RNF24: variants seen among roughly 807,000 people sequenced by gnomAD.
RNF24 encodes ring finger protein 24.
In RNF24, 14 loss-of-function variants were observed where a neutral mutation model predicts 20.0. The observed-to-expected ratio is 0.70, with a 90% CI of 0.46 to 1.10. The LOEUF is 1.10. Among genes scored for constraint, RNF24 ranks in the 50% least tolerant of loss-of-function variants. The pLI is 0.00. For missense variants in RNF24, 124 were observed against 177.6 expected, an observed-to-expected ratio of 0.70 and a Z score of 1.71; for synonymous variants, 45 against 61.1, an observed-to-expected ratio of 0.74 and a Z score of 1.23.
chr20:3,950,191 T>C (rs2091065777), intron 2 of RNF24, among the ~76,000 whole-genome samples: 1 of 152,336 alleles, frequency 6.6e-6, no homozygotes, highest in African/African-American at 2.4e-5. Context: ...TCCCAATTCA[T>C]GTCAAACTGG....
chr20:3,937,215 G>GA (rs776817904), intron 4 of RNF24, among the ~76,000 whole-genome samples: 1 of 152,040 alleles, frequency 6.6e-6, no homozygotes, highest in African/African-American at 2.4e-5. Context: ...AGCCACCTGA[G>GA]AAAAAACAAG....
At chr20:3,964,480 T>G (rs1278183824) in intron 1 of RNF24, among the ~76,000 whole-genome samples, 1 of 152,122 alleles carries the variant, frequency 6.6e-6, no homozygotes, top group African/African-American at 2.4e-5. Flanking sequence ...AATTATATAG[T>G]CATATGTTAT....
chr20:3,951,403 T>C (rs1219637236), intron 2 of RNF24, among the ~76,000 whole-genome samples: 2 of 152,222 alleles, frequency 1.3e-5, no homozygotes, highest in Non-Finnish European at 2.9e-5. Context: ...TTCTCCACTG[T>C]AGTGTATCTT....
Position 3,966,840 on chromosome 20 carries a change from A to G in RNF24, c.-7-2816T>C, listed in dbSNP as rs559995057. Among the ~76,000 whole-genome samples, 6 of 152,336 alleles carry G rather than the reference A, an allele frequency of 3.9e-5. No individual in the cohort carries two copies. In the East Asian group the frequency reaches 1.2e-3, roughly 29 times the overall value. ...CTCAGACACACACAGCAGTAGAGGT[A>G]GTAGCACTGTCATCAGAGGGAAGAG... On this transcript the variant is annotated intron_variant, in intron 1 of 5. Transcript: ENST00000358395.
intron 3 of RNF24, among the ~76,000 whole-genome samples, chr20:3,946,541 T>C (rs935190678): frequency 1.3e-5 from 2 of 151,568 alleles, no homozygotes; most frequent in Non-Finnish European, 2.9e-5. Flanking sequence ...GTACAAAAAT[T>C]AGCCGGGGGT....
chr20:3,972,659 G>C (rs6084533), intron 1 of RNF24, among the ~76,000 whole-genome samples: 39,012 of 152,040 alleles, frequency 0.26, 5,102 homozygotes, highest in South Asian at 0.36. Context: ...CCAGCACTGT[G>C]GAGGGCCGAG....
At chr20:3,970,000 A>C (rs956328840) in intron 1 of RNF24, among the ~76,000 whole-genome samples, 1 of 152,084 alleles carries the variant, frequency 6.6e-6, no homozygotes, top group Non-Finnish European at 1.5e-5. Context: ...TTTACACAAC[A>C]TGGTGAAAAT....
intron 1 of RNF24, 132 bp from the exon 2 acceptor site, chr20:3,964,156 T>C: frequency 1.5e-6 from 1 of 661,272 alleles, no homozygotes; most frequent in South Asian, 2.7e-5. Context: ...TTAATATTCT[T>C]GCCATTCATT....
Position 3,945,199 on chromosome 20 carries a change from ACTTT to A in RNF24, c.202_205del (p.Lys68Ter). ...TACCTCATGTAAATTCAATTCTTTT[ACTTT>A]CTCTTTTAATATAACCTGTAAGACA... On this transcript the variant is annotated frameshift_variant, in exon 4 of 6. Transcript: ENST00000358395. LOFTEE classifies it high-confidence loss of function. 6.3e-7 allele frequency: 1 copy of A among 1,597,770 alleles called. No individual in the cohort carries two copies. Among genetic ancestry groups the A allele is most frequent in the Non-Finnish European group, 8.5e-7 (1 of 1,172,036 alleles).
At chr20:4,013,543 C>T (rs1482199242) in intron 1 of RNF24, among the ~76,000 whole-genome samples, 2 of 152,102 alleles carry the variant, frequency 1.3e-5, no homozygotes, top group Non-Finnish European at 2.9e-5. Flanking sequence ...TGCAATGGCG[C>T]GATCTAGGCT....
chr20:3,983,358 G>A (rs1388710491), intron 1 of RNF24, among the ~76,000 whole-genome samples: 1 of 152,110 alleles, frequency 6.6e-6, no homozygotes, highest in African/African-American at 2.4e-5. Context: ...TTGCCTATAC[G>A]TATTATAAAT....
chr20:3,932,259 T>G lies in RNF24; in HGVS notation c.*1804A>C, dbSNP rs1248668315. On this transcript the variant is annotated 3_prime_UTR_variant, in exon 6 of 6. Coordinates refer to ENST00000358395, the MANE Select transcript of RNF24 (RefSeq NM_001134337.3). ...GCATTCAACTCTGTTGTGCTACAAA[T>G]AGAGAATGCAAAAAGACGGTGAAAG... is the stretch of plus-strand genomic sequence containing the variant. 1.3e-5 allele frequency: 2 copies of G among 152,178 alleles called. No homozygotes were observed. Among genetic ancestry groups the G allele is most frequent in the Admixed American group, 6.5e-5 (1 of 15,278 alleles). The allele number at this position is 152,178 out of a possible 1,614,324, so 9.4% of individuals were successfully genotyped here.
At chr20:4,008,345 A>C (rs1177406018) in intron 1 of RNF24, among the ~76,000 whole-genome samples, 1 of 89,868 alleles carries the variant, frequency 1.1e-5, no homozygotes, top group Non-Finnish European at 2.0e-5. Flanking sequence ...TATATATTAT[A>C]CATGTAATAT....
intron 1 of RNF24, among the ~76,000 whole-genome samples, chr20:4,002,907 T>C (rs1981532075): frequency 6.6e-6 from 1 of 152,104 alleles, no homozygotes; most frequent in Admixed American, 6.6e-5. Context: ...ATAGAGAAAA[T>C]GAAGACACAG....
At chr20:3,955,149 G>A (rs184399402) in intron 2 of RNF24, among the ~76,000 whole-genome samples, 16 of 152,240 alleles carry the variant, frequency 1.1e-4, no homozygotes, top group Non-Finnish European at 1.3e-4. Flanking sequence ...TTGGCCATTT[G>A]TGTAACTTCT....
chr20:3,984,775 G>A (rs758053911), intron 1 of RNF24, among the ~76,000 whole-genome samples: 1 of 151,782 alleles, frequency 6.6e-6, no homozygotes, highest in Non-Finnish European at 1.5e-5. Context: ...TTCTTCAGAG[G>A]ATAACTCTTC....
chr20:4,009,877 G>A (rs1982301026), intron 1 of RNF24, among the ~76,000 whole-genome samples: 1 of 151,968 alleles, frequency 6.6e-6, no homozygotes, highest in South Asian at 2.1e-4. Flanking sequence ...GTAAACAAAG[G>A]ATGTTTTAAA....
intron 1 of RNF24, among the ~76,000 whole-genome samples, chr20:4,003,420 TTATCTTCCAAGCAA>T (rs1217616812): frequency 1.3e-5 from 2 of 152,182 alleles, no homozygotes; most frequent in Admixed American, 1.3e-4. Flanking sequence ...AATTTTCAAA[TTATCTTCCAAGCAA>T]TTCAAAGTAA....
rs1165116076 is a variant in RNF24, at chr20:3,945,182, G to A, written c.223C>T (p.His75Tyr). Reference sequence around the variant, plus strand: ...TTTACTTATCATCAACTTACCTCATGTAAATTCAATTCTTTTACTTTCTCT... The same window carrying A: ...TTTACTTATCATCAACTTACCTCATATAAATTCAATTCTTTTACTTTCTCT... ...LKEKVKELNL[H>Y]ELCAVCLEDF... The change falls in exon 4 of 6, where the codon CAT (histidine) becomes TAT (tyrosine). Residue 75 changes from histidine to tyrosine, a missense_variant. Transcript: ENST00000358395. 1.2e-6 allele frequency: 2 copies of A among 1,600,222 alleles called. No homozygotes were observed. The highest frequency in any genetic ancestry group is 1.7e-5 in the Admixed American group (1 of 57,434).
Sources: gnomAD v4.1 joint callset for allele counts (sites outside exome capture counted in the v4.1 genomes callset) on GRCh38, gnomAD v4.1.1 for gene constraint, MANE v1.5 for transcripts, NCBI Gene and HGNC (gene_info 2026-07-23, HGNC 2026-07-21) for gene names.